Variants in IL12RB2 observed in about 807,000 individuals in gnomAD.
IL12RB2 encodes interleukin 12 receptor subunit beta 2, also known as interleukin-12 receptor subunit beta-2.
IL12RB2 carries 82 observed loss-of-function variants against 89.4 expected under a neutral mutation model. The observed-to-expected ratio is 0.92, with a 90% confidence interval of 0.77 to 1.10. The LOEUF is 1.10. Among genes scored for constraint, IL12RB2 ranks in the 50% least tolerant of loss-of-function variants. The probability of loss-of-function intolerance (pLI) is 0.00; values close to 1 mark genes in which losing one functional copy is unlikely to be tolerated. For missense variants in IL12RB2, 963 were observed against 1,031.9 expected (o/e 0.93, Z 0.92); for synonymous variants, 368 against 370.1 (o/e 0.99, Z 0.07).
chr1:67,392,329 G>A (rs1335403822), intron 16 of IL12RB2, among the ~76,000 whole-genome samples: 5 of 151,922 alleles, frequency 3.3e-5, no homozygotes, highest in Non-Finnish European at 5.9e-5. Flanking sequence ...CATACAATAG[G>A]GTATTAGGCA....
At chr1:67,332,207 G>A (rs186532322) in intron 8 of IL12RB2, among the ~76,000 whole-genome samples, 10 of 134,546 alleles carry the variant, frequency 7.4e-5, no homozygotes, top group Non-Finnish European at 7.8e-5. Flanking sequence ...CTTACTTCTT[G>A]TATTAATTGC....
intron 1 of IL12RB2, among the ~76,000 whole-genome samples, chr1:67,308,509 G>T (rs548007964): frequency 6.6e-6 from 1 of 152,114 alleles, no homozygotes; most frequent in African/African-American, 2.4e-5. Context: ...CCGAGTCCCT[G>T]CCTGGCCAGT....
At chr1:67,341,547 GAA>G (rs57280455) in intron 9 of IL12RB2, among the ~76,000 whole-genome samples, 554 of 35,812 alleles carry the variant, frequency 0.015, 7 homozygotes, top group African/African-American at 0.02. Context: ...AAGAAAGAAA[GAA>G]AGAAAGAAAG....
Position 67,382,708 on chromosome 1 carries a change from AT to A in IL12RB2, c.1855+2600del, listed in dbSNP as rs10693344. On this transcript the variant is annotated intron_variant, in intron 14 of 16. Coordinates refer to ENST00000674203, the MANE Select transcript of IL12RB2 (RefSeq NM_001374259.2). ...GCTCCTATTCATCCTCCAACTCTACATTTTTTTTTTTTTTTGAGACAGGGTC... is the reference window on the plus strand; with the variant it reads ...GCTCCTATTCATCCTCCAACTCTACATTTTTTTTTTTTTTGAGACAGGGTC... 2.3e-3 allele frequency among the ~76,000 whole-genome samples: 312 copies of A among 134,818 alleles called. 1 individual carries two copies. Among genetic ancestry groups the A allele is most frequent in the South Asian group, 4.7e-3 (20 of 4,238 alleles). 88.4% of individuals were successfully genotyped at this position (134,818 alleles called of 152,430 possible). A position where few individuals can be genotyped will look rare whatever the true frequency, so the allele number is the denominator to read the frequency against.
At chr1:67,390,881 C>G (rs563346272) in intron 16 of IL12RB2, among the ~76,000 whole-genome samples, 2 of 152,122 alleles carry the variant, frequency 1.3e-5, no homozygotes, top group African/African-American at 4.8e-5. Flanking sequence ...TCCAGGCTCC[C>G]TTTCCAAGAC....
intron 13 of IL12RB2, among the ~76,000 whole-genome samples, chr1:67,377,038 T>C (rs897807326): frequency 1.3e-5 from 2 of 152,228 alleles, no homozygotes; most frequent in African/African-American, 2.4e-5. Context: ...ATGTAAACTA[T>C]AGAAATTCTG....
intron 13 of IL12RB2, among the ~76,000 whole-genome samples, chr1:67,377,046 C>A (rs549782299): frequency 4.5e-4 from 69 of 152,326 alleles, no homozygotes; most frequent in Admixed American, 1.2e-3. Context: ...TATAGAAATT[C>A]TGTGATAGTC....
chr1:67,331,013 T>G (rs541219169), intron 8 of IL12RB2, among the ~76,000 whole-genome samples: 11 of 152,342 alleles, frequency 7.2e-5, no homozygotes, highest in Non-Finnish European at 1.2e-4. Flanking sequence ...CAAGGAAATT[T>G]TTAACATTGG....
intron 10 of IL12RB2, among the ~76,000 whole-genome samples, 178 bp downstream of exon 10, chr1:67,351,267 A>C (rs529394897): frequency 2.6e-5 from 4 of 152,296 alleles, no homozygotes; most frequent in Admixed American, 6.5e-5. Flanking sequence ...GCCTTGGACA[A>C]GTAAATGAAC....
At chr1:67,350,402 T>A (rs1461185867) in intron 9 of IL12RB2, among the ~76,000 whole-genome samples, 1 of 152,256 alleles carries the variant, frequency 6.6e-6, no homozygotes, top group African/African-American at 2.4e-5. Flanking sequence ...ATCTTCTGTT[T>A]GATGTCTTGA....
chr1:67,362,024 A>C (rs1023264226), intron 10 of IL12RB2, among the ~76,000 whole-genome samples: 1 of 152,128 alleles, frequency 6.6e-6, no homozygotes, highest in African/African-American at 2.4e-5. Context: ...TAATCCCAGC[A>C]CTTTGGGAGG....
Position 67,330,714 on chromosome 1 carries a change from A to G in IL12RB2, c.862A>G (p.Thr288Ala). The change falls in exon 8 of 17, where the codon ACA becomes GCA. Residue 288 changes from threonine to alanine, a missense_variant. By Grantham distance (58) the Thr-to-Ala change is moderately conservative. Transcript: ENST00000674203. ...RHDLLDLKPF[T>A]EYEFQISSKL... ...TGATTTGCTGGATCTGAAACCATTT[A>G]CAGAATATGAATTTCAGATTTCCTC... is the stretch of plus-strand genomic sequence containing the variant. 6.5e-7 allele frequency: 1 copy of G among 1,528,388 alleles called. No individual in the cohort carries two copies. Among genetic ancestry groups the G allele is most frequent in the Non-Finnish European group, 9.1e-7 (1 of 1,101,932 alleles). 94.7% of individuals were successfully genotyped at this position (1,528,388 alleles called of 1,614,324 possible). A position where few individuals can be genotyped will look rare whatever the true frequency, so the allele number is the denominator to read the frequency against.
rs1221726537 is a variant in IL12RB2, at chr1:67,382,751, G to A, written c.1855+2628G>A. Among the ~76,000 whole-genome samples, 3 of 142,490 alleles carry A rather than the reference G, an allele frequency of 2.1e-5. No homozygotes were observed. In the East Asian group the frequency reaches 6.1e-4, roughly 29 times the overall value. 93.5% of individuals were successfully genotyped at this position (142,490 alleles called of 152,430 possible). ...GACAGGGTCTCACTCTATTGTCCAG[G>A]CTGGAGTATAGTGGCATGATCATAG... On this transcript the variant is annotated intron_variant, in intron 14 of 16. Coordinates refer to ENST00000674203, the MANE Select transcript of IL12RB2 (RefSeq NM_001374259.2).
At chr1:67,324,464 G>A (rs766760316) in intron 4 of IL12RB2, among the ~76,000 whole-genome samples, 6 of 151,814 alleles carry the variant, frequency 4.0e-5, no homozygotes, top group East Asian at 1.9e-4. Flanking sequence ...TCAGTGATCC[G>A]CCCCCATCAG....
At chr1:67,388,980 A>G (rs191531936) in intron 15 of IL12RB2, among the ~76,000 whole-genome samples, 33 of 152,300 alleles carry the variant, frequency 2.2e-4, no homozygotes, top group African/African-American at 7.5e-4. Flanking sequence ...AAAGGAGTCA[A>G]CTAGGATCAC....
At chr1:67,367,699 CT>C (rs1430034383) in intron 10 of IL12RB2, 125 bp from the exon 11 acceptor site, 1 of 735,410 alleles carries the variant, frequency 1.4e-6, no homozygotes, top group East Asian at 2.5e-5. Flanking sequence ...ACTCCAAAGT[CT>C]TTAAAAGTAA....
intron 11 of IL12RB2, 120 bp downstream of exon 11, chr1:67,368,145 G>T: frequency 1.4e-6 from 1 of 721,142 alleles, no homozygotes; most frequent in African/African-American, 1.7e-5. Context: ...GAGAGAGACT[G>T]ATGACCTAGA....
intron 10 of IL12RB2, among the ~76,000 whole-genome samples, chr1:67,360,129 C>T (rs551649825): frequency 1.6e-4 from 25 of 152,200 alleles, no homozygotes; most frequent in Admixed American, 6.5e-4. Flanking sequence ...GGGCTGGGCG[C>T]GGTGGCTCAC....
rs1050269000 is a variant in IL12RB2 at position 67,317,464 on chromosome 1, C to T, written c.-36-2869C>T. Among the ~76,000 whole-genome samples the T allele has an allele frequency of 4.6e-5, 7 of 152,242 alleles. No individual in the cohort carries two copies. In the South Asian group the frequency reaches 8.3e-4, roughly 18 times the overall value. On this transcript the variant is annotated intron_variant, in intron 2 of 16. Transcript: ENST00000674203. Reference sequence around the variant, plus strand: ...CACTTCAGAGCCAGCAGCAGCAGAGCGAGTCCTTGGTACCTCATATCTCTC... The same window carrying T: ...CACTTCAGAGCCAGCAGCAGCAGAGTGAGTCCTTGGTACCTCATATCTCTC...
Sources: allele counts gnomAD v4.1 joint callset (sites outside exome capture counted in the v4.1 genomes callset), GRCh38; gene constraint gnomAD v4.1.1; transcripts MANE v1.5; gene names NCBI Gene and HGNC (gene_info 2026-07-23, HGNC 2026-07-21).